Variants in CFAP46 observed in about 807,000 individuals in gnomAD.
The protein encoded by CFAP46 is cilia and flagella associated protein 46, also known as cilia- and flagella-associated protein 46.
CFAP46 carries 245 observed loss-of-function variants against 325.7 expected under a neutral mutation model. The ratio of observed to expected loss-of-function variants is 0.75; its 90% CI spans 0.68 to 0.84. The LOEUF (loss-of-function observed/expected upper bound fraction) is 0.84. Ranked by LOEUF, CFAP46 falls within the 40% of genes least tolerant of loss-of-function variation. The pLI is 0.00. For synonymous variants in CFAP46, 1,523 were observed against 1,495.9 expected (o/e 1.02, Z -0.42); for missense variants, 3,346 against 3,543.0 (o/e 0.94, Z 1.41).
At chr10:132,814,489 G>A (rs1847649184) in intron 53 of CFAP46, 88 bp downstream of exon 53, 2 of 1,465,482 alleles carry the variant, frequency 1.4e-6, no homozygotes, top group Admixed American at 2.0e-5. Flanking sequence ...CTCGAGGAGT[G>A]GGGCACCAGT....
In CFAP46 at chr10:132,919,119, C is replaced by G. The variant is rs1407699786; in HGVS notation, c.1858+196G>C. Among the ~76,000 whole-genome samples, 1 of 152,188 alleles carries G rather than the reference C, an allele frequency of 6.6e-6. No individual in the cohort carries two copies. Among genetic ancestry groups the G allele is most frequent in the Non-Finnish European group, 1.5e-5 (1 of 68,038 alleles). On this transcript the variant is annotated intron_variant, in intron 15 of 57. Transcript: ENST00000368586. The surrounding 1 kb of genome is among the most constrained non-coding windows in gnomAD (Gnocchi z 9.7). ...GTGACGACGGTGCTCGTGGCTCGGCCGACACAGCCAGATGTGGCCGCCGCC... is the reference window on the plus strand; with the variant it reads ...GTGACGACGGTGCTCGTGGCTCGGCGGACACAGCCAGATGTGGCCGCCGCC...
In CFAP46 at chr10:132,863,684, C is replaced by T. The variant is rs187115624; in HGVS notation, c.4890+2341G>A. ...CACACCTGTTCTCAGTGCCTGAGACCTGCATGCACACATCTGTCCCCCTGC... is the reference window on the plus strand; with the variant it reads ...CACACCTGTTCTCAGTGCCTGAGACTTGCATGCACACATCTGTCCCCCTGC... On this transcript the variant is annotated intron_variant, in intron 35 of 57. Transcript: ENST00000368586. Among the ~76,000 whole-genome samples, 6 of 150,796 alleles carry T rather than the reference C, an allele frequency of 4.0e-5. No homozygotes were observed. The East Asian group carries it at 1.2e-3, about 30-fold the overall frequency.
chr10:132,833,923 T>C, intron 49 of CFAP46, 118 bp downstream of exon 49: 1 of 876,070 alleles, frequency 1.1e-6, no homozygotes, highest in Non-Finnish European at 1.8e-6. Context: ...GCAGGGCTTG[T>C]GGGACTCCTG....
At chr10:132,812,724 G>A (rs763403871) in intron 55 of CFAP46, 61 bp downstream of exon 55, 25 of 1,251,900 alleles carry the variant, frequency 2.0e-5, no homozygotes, top group Non-Finnish European at 2.8e-5. Flanking sequence ...GCCCTGCTCT[G>A]CCCTCAGGCG....
intron 46 of CFAP46, among the ~76,000 whole-genome samples, chr10:132,835,643 C>T (rs1425255046): frequency 6.6e-6 from 1 of 152,030 alleles, no homozygotes; most frequent in Non-Finnish European, 1.5e-5. Flanking sequence ...CTCCTGGGCC[C>T]CAGGGAAGCA....
rs2134984769 is a variant in CFAP46, at chr10:132,832,104, T to G, written c.7117+1254A>C. ...TTATAAAACCCCATACCATTATTATTGTCTTTTGCTCTAAGCTTTTTGCTC... is the reference window on the plus strand; with the variant it reads ...TTATAAAACCCCATACCATTATTATGGTCTTTTGCTCTAAGCTTTTTGCTC... On this transcript the variant is annotated intron_variant, in intron 50 of 57. Transcript: ENST00000368586. This position sits in a 1 kb window ranked among gnomAD's most constrained non-coding sequence, Gnocchi z 4.1. 6.6e-6 allele frequency among the ~76,000 whole-genome samples: 1 copy of G among 152,314 alleles called. No homozygotes were observed. Among genetic ancestry groups the G allele is most frequent in the East Asian group, 1.9e-4 (1 of 5,196 alleles).
rs113276868 is a variant in CFAP46, at chr10:132,868,759, G to A, written c.4610+515C>T. 7.4e-3 allele frequency among the ~76,000 whole-genome samples: 1,122 copies of A among 152,274 alleles called. 4 individuals are homozygous for A. The highest frequency in any genetic ancestry group is 0.014 in the Middle Eastern group (4 of 294). The stretch of plus-strand genomic sequence containing the variant: ...CTTACGTAATTTTAAAAAGTATCTT[G>A]TAAAAACTAATAAAAACAGAACCGT... On this transcript the variant is annotated intron_variant, in intron 33 of 57. Transcript: ENST00000368586.
Position 132,827,283 on chromosome 10 carries a change from G to A in CFAP46, c.7117+6075C>T, listed in dbSNP as rs1197221087. Among the ~76,000 whole-genome samples the A allele has an allele frequency of 6.6e-6, 1 of 152,060 alleles. No individual in the cohort carries two copies. Among genetic ancestry groups the A allele is most frequent in the African/African-American group, 2.4e-5 (1 of 41,426 alleles). ...GGGCTGACCGTGGCCTGTGATGGAC[G>A]GGGCACCCAGTGGGCCAGAATCAGA... On this transcript the variant is annotated intron_variant, in intron 50 of 57. Transcript: ENST00000368586. This position sits in a 1 kb window ranked among gnomAD's most constrained non-coding sequence, Gnocchi z 5.7.
Position 132,872,685 on chromosome 10 carries a change from T to C in CFAP46, c.4502A>G (p.Tyr1501Cys). ...AAGGAGCTGTACCCACCGAAGGTGG[T>C]AGAGATCCGACAGGCCCTTGCTTCC... ...VVGSKGLSDL[Y>C]HLRLAHACSE... The change falls in exon 32 of 58, where the codon TAC becomes TGC. Residue 1501 changes from tyrosine (Y) to cysteine (C), a missense_variant. Coordinates refer to ENST00000368586, the MANE Select transcript of CFAP46 (RefSeq NM_001200049.3). 1.9e-6 allele frequency: 3 copies of C among 1,550,590 alleles called. No individual in the cohort carries two copies. The highest frequency in any genetic ancestry group is 2.4e-5 in the East Asian group (1 of 40,934).
intron 29 of CFAP46, 86 bp downstream of exon 29, chr10:132,879,340 C>A: frequency 2.3e-6 from 3 of 1,304,780 alleles, no homozygotes; most frequent in Non-Finnish European, 2.0e-6. Context: ...ACTCTGACAT[C>A]TTTACAACGC....
At chr10:132,857,056 G>A (rs1848652420) in intron 39 of CFAP46, among the ~76,000 whole-genome samples, 1 of 152,212 alleles carries the variant, frequency 6.6e-6, no homozygotes, top group Non-Finnish European at 1.5e-5. Context: ...ATGCCCCAGG[G>A]ATCATGAGGT....
chr10:132,893,605 T>C (rs1032292544), intron 24 of CFAP46, among the ~76,000 whole-genome samples: 2 of 152,230 alleles, frequency 1.3e-5, no homozygotes, highest in African/African-American at 4.8e-5. Flanking sequence ...CCTCATCTTT[T>C]GTGGCAATGT....
chr10:132,843,517 G>A (rs1848378890), intron 44 of CFAP46, among the ~76,000 whole-genome samples: 1 of 149,718 alleles, frequency 6.7e-6, no homozygotes, highest in Non-Finnish European at 1.5e-5. Context: ...CTGCTGGTGG[G>A]CGTTCCCAGG....
chr10:132,890,743 C>T (rs765675767), intron 25 of CFAP46, among the ~76,000 whole-genome samples: 3 of 152,180 alleles, frequency 2.0e-5, no homozygotes, highest in Non-Finnish European at 4.4e-5. Context: ...TCTCAGTGGA[C>T]GGACTTGCCG....
rs1849030637 is a variant in CFAP46, at chr10:132,880,810, A to G, written c.3799+51T>C. The G allele has an allele frequency of 4.6e-6, 7 of 1,521,928 alleles. No individual in the cohort carries two copies. In the Admixed American group the frequency reaches 1.4e-4, roughly 30 times the overall value. The allele number at this position is 1,521,928 out of a possible 1,614,324, so 94.3% of individuals were successfully genotyped here. On this transcript the variant is annotated intron_variant, in intron 28 of 57. Coordinates refer to ENST00000368586, the MANE Select transcript of CFAP46 (RefSeq NM_001200049.3). ...GTCCAGATCACGGAGCAGGAAGCAG[A>G]GCTCTGGGGAGCGGCGTGGGGTCGG...
intron 39 of CFAP46, among the ~76,000 whole-genome samples, chr10:132,855,793 T>C (rs1848633309): frequency 6.6e-6 from 1 of 152,244 alleles, no homozygotes; most frequent in Admixed American, 6.5e-5. Context: ...TATGCTATTG[T>C]TGTCGTACAT....
At chr10:132,821,869 C>A (rs532178315) in intron 50 of CFAP46, among the ~76,000 whole-genome samples, 1,592 of 131,792 alleles carry the variant, frequency 0.012, 4 homozygotes, top group South Asian at 0.036. Context: ...GCTGTGTGTG[C>A]TGTGTGCTGT....
intron 37 of CFAP46, among the ~76,000 whole-genome samples, chr10:132,859,605 TG>T (rs1284946507): frequency 6.6e-6 from 1 of 151,970 alleles, no homozygotes; most frequent in African/African-American, 2.4e-5. Context: ...ACGCTGCAGC[TG>T]GGGGGCCCAG....
intron 5 of CFAP46, among the ~76,000 whole-genome samples, chr10:132,938,217 C>T (rs12269137): frequency 0.019 from 2,893 of 152,308 alleles, 104 homozygotes; most frequent in African/African-American, 0.065. Flanking sequence ...GCCTGGGCTC[C>T]GCATGTGCTG....
Sources: gnomAD v4.1 joint callset for allele counts (sites outside exome capture counted in the v4.1 genomes callset) on GRCh38, gnomAD v4.1.1 for gene constraint, Gnocchi (gnomAD v3.1) non-coding constraint, MANE v1.5 for transcripts, NCBI Gene and HGNC (gene_info 2026-07-23, HGNC 2026-07-21) for gene names.